SCN7A: variants seen among roughly 807,000 people sequenced by gnomAD.
SCN7A encodes the protein sodium voltage-gated channel alpha subunit 7.
A neutral mutation model predicts 155.2 loss-of-function variants in SCN7A; 138 were observed. That is an observed-to-expected ratio of 0.89 (90% CI 0.77 to 1.02). SCN7A has a LOEUF of 1.02. Among genes scored for constraint, SCN7A ranks in the 50% least tolerant of loss-of-function variants. The pLI is 0.00. For missense variants in SCN7A, 2,058 were observed against 1,986.6 expected (o/e 1.04, Z -0.68); for synonymous variants, 693 against 649.0 (o/e 1.07, Z -1.03).
Position 166,476,564 on chromosome 2 carries a change from T to C in SCN7A, c.234+899A>G, listed in dbSNP as rs147575351. Reference sequence around the variant, plus strand: ...GCGACTTCAGTCCCGGATTACTCTCTGTGTTATTTCATCTTTCTAGGCCTG... The same window carrying C: ...GCGACTTCAGTCCCGGATTACTCTCCGTGTTATTTCATCTTTCTAGGCCTG... On this transcript the variant is annotated intron_variant, in intron 3 of 25. Transcript: ENST00000643258. Among the ~76,000 whole-genome samples the C allele has an allele frequency of 7.9e-5, 12 of 152,118 alleles. No individual in the cohort carries two copies. The East Asian group carries it at 2.3e-3, about 29-fold the overall frequency.
intron 15 of SCN7A, among the ~76,000 whole-genome samples, chr2:166,437,921 T>C (rs1004263723): frequency 6.6e-6 from 1 of 152,038 alleles, no homozygotes; most frequent in Non-Finnish European, 1.5e-5. Context: ...GGCTCATAGG[T>C]GGAAGGGACT....
At chr2:166,491,280 C>T (rs1314648287) in intron 1 of SCN7A, among the ~76,000 whole-genome samples, 2 of 152,122 alleles carry the variant, frequency 1.3e-5, no homozygotes, top group Non-Finnish European at 2.9e-5. Context: ...CTATCAAGCT[C>T]TTTGATGTCT....
chr2:166,470,510 A>G, intron 7 of SCN7A, 105 bp downstream of exon 7: 1 of 959,080 alleles, frequency 1.0e-6, no homozygotes, highest in Non-Finnish European at 1.5e-6. Context: ...TTCAAAGTGG[A>G]AACATTATTC....
At position 166,462,427 on chromosome 2, in the gene SCN7A, A is replaced by T. The variant is rs1702435148; in HGVS notation, c.1045T>A (p.Leu349Ile). Residue 349 changes from leucine (L) to isoleucine (I), a missense_variant, in exon 10 of 26, where the codon TTA (leucine) becomes ATA (isoleucine). By Grantham distance (5) the Leu-to-Ile change is conservative. Coordinates refer to ENST00000643258, the MANE Select transcript of SCN7A (RefSeq NM_002976.4). ...ACTTCAGGGTAATCCTGAGCCATTA[A>T]CCGAAATAGGGCAAATAAGGCCCAG... ...FGWALFALFRLMAQDYPEVLY... is the reference protein window; with the variant it reads ...FGWALFALFRIMAQDYPEVLY... 1.2e-6 allele frequency: 2 copies of T among 1,606,494 alleles called. No homozygotes were observed. The highest frequency in any genetic ancestry group is 1.7e-6 in the Non-Finnish European group (2 of 1,176,164).
chr2:166,441,684 T>A lies in SCN7A; in HGVS notation c.1869A>T (p.Ser623=). ...FQILMWSLSN[S]WVALKDLVLL... Reference sequence around the variant, plus strand: ...GGACCAAGTCTTTCAGGGCCACCCATGAGTTACTAAGAGACCACATCAAAA... The same window carrying A: ...GGACCAAGTCTTTCAGGGCCACCCAAGAGTTACTAAGAGACCACATCAAAA... The change falls in exon 15 of 26, where the codon TCA becomes TCT. Residue 623 remains serine (S), a synonymous_variant. Transcript: ENST00000643258. 5 of 1,613,810 alleles carry A rather than the reference T, an allele frequency of 3.1e-6. No individual in the cohort carries two copies. The highest frequency in any genetic ancestry group is 4.2e-6 in the Non-Finnish European group (5 of 1,179,762).
intron 12 of SCN7A, 92 bp downstream of exon 12, chr2:166,447,520 C>CTAAG (rs1297303021): frequency 1.3e-6 from 1 of 780,146 alleles, no homozygotes; most frequent in East Asian, 2.7e-5. Context: ...TTATTACCAT[C>CTAAG]TAAGATTCTG....
intron 21 of SCN7A, among the ~76,000 whole-genome samples, chr2:166,413,423 C>T (rs79706385): frequency 0.015 from 2,259 of 152,120 alleles, 62 homozygotes; most frequent in African/African-American, 0.052. Context: ...TGACTTGTAG[C>T]TGCTACACAT....
At chr2:166,434,998 G>A (rs182525124) in intron 15 of SCN7A, among the ~76,000 whole-genome samples, 100 of 152,000 alleles carry the variant, frequency 6.6e-4, no homozygotes, top group Non-Finnish European at 1.1e-3. Context: ...ATATTTTAAG[G>A]AAATTACATC....
chr2:166,457,395 G>A (rs952436514), intron 10 of SCN7A, among the ~76,000 whole-genome samples: 7 of 152,110 alleles, frequency 4.6e-5, no homozygotes, highest in African/African-American at 9.7e-5. Context: ...GTCATCTCTT[G>A]ATATAGAAAC....
chr2:166,441,829 G>A, intron 14 of SCN7A, 77 bp from the exon 15 acceptor site: 1 of 994,006 alleles, frequency 1.0e-6, no homozygotes, highest in Non-Finnish European at 1.5e-6. Flanking sequence ...AAGGTACAGT[G>A]TTATACACAT....
chr2:166,432,825 C>T (rs1165698318), intron 15 of SCN7A, 73 bp from the exon 16 acceptor site: 2 of 1,099,808 alleles, frequency 1.8e-6, no homozygotes, highest in South Asian at 1.7e-5. Context: ...AGTTTGTTTA[C>T]AAAACTGATG....
Position 166,409,691 on chromosome 2 carries a change from A to T in SCN7A, c.3956T>A (p.Phe1319Tyr). 1 of 1,525,804 alleles carries T rather than the reference A, an allele frequency of 6.6e-7. No individual in the cohort carries two copies. Among genetic ancestry groups the T allele is most frequent in the Non-Finnish European group, 8.8e-7 (1 of 1,138,324 alleles). The allele number at this position is 1,525,804 out of a possible 1,614,324, so 94.5% of individuals were successfully genotyped here. Residue 1319 changes from phenylalanine (F) to tyrosine (Y), a missense_variant, in exon 25 of 26, where the codon TTT (phenylalanine) becomes TAT (tyrosine). Phe to Tyr is a conservative substitution (Grantham distance 22). Transcript: ENST00000643258. The stretch of plus-strand genomic sequence containing the variant: ...TGTGATGGAGAAAATAACCACCATA[A>T]AATCAAAAATGTTCCACGCAATGGT... ...YFTIAWNIFD[F>Y]MVVIFSITGL... is the part of the protein sequence containing the mutation.
At chr2:166,493,418 C>A (rs957044302) in intron 1 of SCN7A, among the ~76,000 whole-genome samples, 8 of 152,148 alleles carry the variant, frequency 5.3e-5, no homozygotes, top group Non-Finnish European at 8.8e-5. Flanking sequence ...CAAAACAATG[C>A]AAAAACAACA....
chr2:166,480,971 GA>G (rs1358147461), intron 2 of SCN7A, among the ~76,000 whole-genome samples: 1 of 152,028 alleles, frequency 6.6e-6, no homozygotes, highest in Non-Finnish European at 1.5e-5. Context: ...CTCACAAGAA[GA>G]AAAAATACGT....
Position 166,448,689 on chromosome 2 carries a change from T to C in SCN7A, c.1291-981A>G, listed in dbSNP as rs572114323. Among the ~76,000 whole-genome samples, 10 of 152,278 alleles carry C rather than the reference T, an allele frequency of 6.6e-5. 1 individual carries two copies. The South Asian group carries it at 1.0e-3, about 16-fold the overall frequency. On this transcript the variant is annotated intron_variant, in intron 11 of 25. Transcript: ENST00000643258. ...TTATACTGTGAGGTCTGAGGTCAAATACAAAAGGAGCAAGACCAGGAAATG... is the reference window on the plus strand; with the variant it reads ...TTATACTGTGAGGTCTGAGGTCAAACACAAAAGGAGCAAGACCAGGAAATG...
intron 2 of SCN7A, among the ~76,000 whole-genome samples, chr2:166,483,515 T>C (rs1294784672): frequency 1.3e-5 from 2 of 151,970 alleles, no homozygotes; most frequent in Non-Finnish European, 2.9e-5. Context: ...AAGTGGGCAG[T>C]TCTCATTATC....
intron 7 of SCN7A, among the ~76,000 whole-genome samples, chr2:166,468,848 A>G (rs4563240): frequency 0.092 from 13,936 of 151,666 alleles, 883 homozygotes; most frequent in Admixed American, 0.18. Flanking sequence ...CTGAAACTCC[A>G]CTGTCTATTT....
At chr2:166,421,599 T>C (rs567537414) in intron 19 of SCN7A, among the ~76,000 whole-genome samples, 1 of 152,128 alleles carries the variant, frequency 6.6e-6, no homozygotes, top group African/African-American at 2.4e-5. Flanking sequence ...ATGACATATC[T>C]TTTTTGTTTG....
chr2:166,428,067 T>C, intron 17 of SCN7A, 125 bp from the exon 18 acceptor site: 2 of 986,728 alleles, frequency 2.0e-6, no homozygotes, highest in Admixed American at 5.3e-5. Flanking sequence ...TTGTCTCTGA[T>C]TTATAAACAT....
Sources: gnomAD v4.1 joint callset for allele counts (sites outside exome capture counted in the v4.1 genomes callset) on GRCh38, gnomAD v4.1.1 for gene constraint, MANE v1.5 for transcripts, NCBI Gene and HGNC (gene_info 2026-07-23, HGNC 2026-07-21) for gene names.